CRYBG3: variants seen among roughly 807,000 people sequenced by gnomAD.
The protein encoded by CRYBG3 is crystallin beta-gamma domain containing 3, also known as very large A-kinase anchor protein.
CRYBG3 carries 127 observed loss-of-function variants against 244.2 expected under a neutral mutation model. That is an observed-to-expected ratio of 0.52 (90% CI 0.45 to 0.60). The LOEUF (loss-of-function observed/expected upper bound fraction) is 0.60. Among genes scored for constraint, CRYBG3 ranks in the 20% least tolerant of loss-of-function variants. The pLI is 0.00. For missense variants in CRYBG3, 3,325 were observed against 3,442.5 expected (o/e 0.97, Z 0.85); for synonymous variants, 1,132 against 1,195.8 (o/e 0.95, Z 1.10).
At chr3:97,914,810 A>G (rs1190778863) in intron 16 of CRYBG3, among the ~76,000 whole-genome samples, 1 of 152,166 alleles carries the variant, frequency 6.6e-6, no homozygotes, top group Non-Finnish European at 1.5e-5. Flanking sequence ...CGGTTTTCCA[A>G]AGTTAAACTG....
intron 2 of CRYBG3, among the ~76,000 whole-genome samples, chr3:97,852,653 C>G (rs1446154443): frequency 6.6e-6 from 1 of 152,134 alleles, no homozygotes; most frequent in Non-Finnish European, 1.5e-5. Flanking sequence ...GTGCAGATAT[C>G]TCTTTGACAT....
At chr3:97,886,391 G>C (rs369560405) in intron 7 of CRYBG3, among the ~76,000 whole-genome samples, 12 of 151,852 alleles carry the variant, frequency 7.9e-5, no homozygotes, top group African/African-American at 2.7e-4. Context: ...AAAAAACAAA[G>C]CAGAAACATT....
At chr3:97,895,048 TA>T (rs1200331916) in intron 11 of CRYBG3, among the ~76,000 whole-genome samples, 2 of 152,128 alleles carry the variant, frequency 1.3e-5, no homozygotes, top group Non-Finnish European at 2.9e-5. Flanking sequence ...GAAAAAGCAG[TA>T]GTAGGCAGCC....
intron 3 of CRYBG3, among the ~76,000 whole-genome samples, chr3:97,870,003 T>C (rs2108210692): frequency 6.6e-6 from 1 of 152,346 alleles, no homozygotes; most frequent in Middle Eastern, 3.4e-3. Flanking sequence ...TTTTAGGTAT[T>C]GGAATACTGA....
intron 1 of CRYBG3, among the ~76,000 whole-genome samples, chr3:97,827,196 G>A (rs1200049127): frequency 6.6e-6 from 1 of 152,158 alleles, no homozygotes; most frequent in Non-Finnish European, 1.5e-5. Flanking sequence ...TTGATGGAAA[G>A]AAGTTGAGAC....
chr3:97,926,772 G>A (rs993482957), intron 17 of CRYBG3, among the ~76,000 whole-genome samples: 2 of 151,758 alleles, frequency 1.3e-5, no homozygotes, highest in Admixed American at 6.6e-5. Context: ...TCTATACACC[G>A]GTAACGTCCA....
intron 2 of CRYBG3, 60 bp downstream of exon 2, chr3:97,843,321 C>A: frequency 1.2e-6 from 1 of 807,090 alleles, no homozygotes. Flanking sequence ...GCTGTTAATT[C>A]TTTTAGATTC....
chr3:97,907,317 A>G (rs1340426277), intron 15 of CRYBG3, among the ~76,000 whole-genome samples: 2 of 152,178 alleles, frequency 1.3e-5, no homozygotes, highest in African/African-American at 4.8e-5. Context: ...TTTCAAAAGG[A>G]TTGGTACCAG....
chr3:97,931,294 G>A (rs7638004), intron 17 of CRYBG3, among the ~76,000 whole-genome samples: 69,911 of 151,898 alleles, frequency 0.46, 16,878 homozygotes, highest in East Asian at 0.67. Context: ...CCTCTCCCTC[G>A]ACATGGAAAG....
Position 97,873,661 on chromosome 3 carries a change from A to G in CRYBG3, c.2467A>G (p.Asn823Asp). 1 of 1,535,612 alleles carries G rather than the reference A, an allele frequency of 6.5e-7. No individual in the cohort carries two copies. The highest frequency in any genetic ancestry group is 8.7e-7 in the Non-Finnish European group (1 of 1,146,754). ...VSKAEIDGQN[N>D]VLVESHSGRG... ...AAAAGCTGAAATTGATGGTCAGAACAATGTTCTTGTGGAGTCACATTCTGG... is the reference window on the plus strand; with the variant it reads ...AAAAGCTGAAATTGATGGTCAGAACGATGTTCTTGTGGAGTCACATTCTGG... The change falls in exon 4 of 22, where the codon AAT (asparagine) becomes GAT (aspartate). Residue 823 changes from asparagine to aspartate, a missense_variant. Physicochemically the swap from Asn to Asp is conservative, Grantham distance 23. This residue lies in a region of CRYBG3 where 1,526 missense variants were observed against 1,443.2 expected (regional missense o/e 1.06). Transcript: ENST00000389622.
intron 15 of CRYBG3, among the ~76,000 whole-genome samples, chr3:97,902,649 C>T (rs1397714369): frequency 6.6e-6 from 1 of 152,026 alleles, no homozygotes; most frequent in Admixed American, 6.6e-5. Flanking sequence ...TTGTTCCCTT[C>T]TCTGTGCCCA....
chr3:97,842,896 A>G (rs2038842682), intron 1 of CRYBG3, among the ~76,000 whole-genome samples: 1 of 152,200 alleles, frequency 6.6e-6, no homozygotes, highest in Non-Finnish European at 1.5e-5. Flanking sequence ...TGCCAGTGTT[A>G]TGAAAGTAAT....
At chr3:97,924,559 C>T in intron 17 of CRYBG3, 1 of 352,460 alleles carries the variant, frequency 2.8e-6, no homozygotes, top group Non-Finnish European at 5.5e-6. Flanking sequence ...AAGGTGTTGG[C>T]AGTCATTTCA....
Position 97,910,594 on chromosome 3 carries a change from T to A in CRYBG3, c.8005-1573T>A, listed in dbSNP as rs831886. On this transcript the variant is annotated intron_variant, in intron 15 of 21. Transcript: ENST00000389622. ...CGCTTCCCAAGTGAGGCAATGCCTC[T>A]CCCTGCTTCGGTTCGCGCACGGTGC... Among the ~76,000 whole-genome samples, 64 of 152,124 alleles carry A rather than the reference T, an allele frequency of 4.2e-4. 1 individual carries two copies. Among genetic ancestry groups the A allele is most frequent in the African/African-American group, 1.5e-3 (63 of 41,426 alleles).
At chr3:97,847,672 C>A (rs908961444) in intron 2 of CRYBG3, among the ~76,000 whole-genome samples, 1 of 152,180 alleles carries the variant, frequency 6.6e-6, no homozygotes, top group Non-Finnish European at 1.5e-5. Flanking sequence ...CAACCCAGGC[C>A]TCAATACATC....
intron 15 of CRYBG3, among the ~76,000 whole-genome samples, chr3:97,907,439 A>T (rs1158241966): frequency 6.6e-6 from 1 of 151,530 alleles, no homozygotes; most frequent in East Asian, 1.9e-4. Flanking sequence ...TTATTGGTCT[A>T]TTCAGAGATT....
intron 17 of CRYBG3, among the ~76,000 whole-genome samples, chr3:97,926,154 G>C (rs148748213): frequency 6.6e-6 from 1 of 152,004 alleles, no homozygotes; most frequent in Non-Finnish European, 1.5e-5. Context: ...GATGAACAAA[G>C]ATGCAAAAAT....
At position 97,872,586 on chromosome 3, in the gene CRYBG3, T is replaced by G. The variant is rs920521474; in HGVS notation, c.1392T>G (p.His464Gln). ...NLPSPNKSIR[H>Q]EHLQLPESEC... The stretch of plus-strand genomic sequence containing the variant: ...CAAGTCCAAATAAATCAATTAGGCA[T>G]GAACATCTGCAGTTGCCAGAGAGTG... The change falls in exon 4 of 22, where the codon CAT (histidine) becomes CAG (glutamine). Residue 464 changes from histidine (H) to glutamine (Q), a missense_variant. This residue lies in a region of CRYBG3 where 1,526 missense variants were observed against 1,443.2 expected (regional missense o/e 1.06). Coordinates refer to ENST00000389622, the MANE Select transcript of CRYBG3 (RefSeq NM_153605.4). The G allele has an allele frequency of 3.3e-6, 5 of 1,535,842 alleles. No individual in the cohort carries two copies. In the African/African-American group the frequency reaches 6.8e-5, roughly 21 times the overall value.
intron 19 of CRYBG3, among the ~76,000 whole-genome samples, chr3:97,940,548 C>T (rs1030948993): frequency 6.6e-6 from 1 of 152,016 alleles, no homozygotes; most frequent in African/African-American, 2.4e-5. Context: ...TATCTTAAAA[C>T]TTCCAGGCCA....
Sources: allele counts gnomAD v4.1 joint callset (sites outside exome capture counted in the v4.1 genomes callset), GRCh38; gene constraint gnomAD v4.1.1; regional missense constraint gnomAD v4.1.1; transcripts MANE v1.5; gene names NCBI Gene and HGNC (gene_info 2026-07-23, HGNC 2026-07-21).